Variants in DDX50 observed in about 807,000 individuals in gnomAD.
The protein encoded by DDX50 is DExD-box helicase 50.
Under a neutral mutation model 94.8 loss-of-function variants are expected in DDX50, and 56 were observed. The observed-to-expected ratio is 0.59, with a 90% CI of 0.48 to 0.74. The LOEUF is 0.74. DDX50 is among the 30% of genes least tolerant of loss of function. DDX50 has a pLI of 0.00. For missense variants in DDX50, 713 were observed against 881.2 expected, an observed-to-expected ratio of 0.81 and a Z score of 2.42; for synonymous variants, 264 against 295.4, an observed-to-expected ratio of 0.89 and a Z score of 1.09.
intron 12 of DDX50, among the ~76,000 whole-genome samples, chr10:68,939,611 T>G (rs914925752): frequency 6.6e-6 from 1 of 152,184 alleles, no homozygotes; most frequent in Non-Finnish European, 1.5e-5. Context: ...ACACAAGGCC[T>G]TTGTACATAC....
intron 8 of DDX50, among the ~76,000 whole-genome samples, chr10:68,932,070 T>C (rs990772296): frequency 2.6e-5 from 4 of 152,212 alleles, no homozygotes; most frequent in Non-Finnish European, 4.4e-5. Context: ...TCTGAACCTA[T>C]ACCTGTGATA....
chr10:68,905,934 T>A (rs560332459), intron 1 of DDX50, among the ~76,000 whole-genome samples: 5 of 152,140 alleles, frequency 3.3e-5, no homozygotes, highest in Admixed American at 6.6e-5. Context: ...AATAATTAAA[T>A]AAAATGGCAA....
chr10:68,931,845 C>T (rs937713418), intron 8 of DDX50, among the ~76,000 whole-genome samples: 3 of 152,104 alleles, frequency 2.0e-5, no homozygotes, highest in Non-Finnish European at 4.4e-5. Flanking sequence ...ACCCCTCATC[C>T]CCGCTCCCTT....
At chr10:68,914,776 C>G (rs932279252) in intron 7 of DDX50, among the ~76,000 whole-genome samples, 2 of 150,912 alleles carry the variant, frequency 1.3e-5, no homozygotes, top group Non-Finnish European at 3.0e-5. Context: ...AATCCCAGCA[C>G]TTTGGGAGGC....
intron 13 of DDX50, among the ~76,000 whole-genome samples, chr10:68,942,575 T>G (rs1842578074): frequency 6.6e-6 from 1 of 152,158 alleles, no homozygotes; most frequent in Non-Finnish European, 1.5e-5. Context: ...AAGAAACATC[T>G]TGGGTTATAT....
intron 1 of DDX50, chr10:68,906,425 C>T (rs1841446338): frequency 3.6e-6 from 1 of 276,412 alleles, no homozygotes; most frequent in Non-Finnish European, 6.7e-6. Context: ...CTGGGGTTGT[C>T]TTTCTTTCCC....
chr10:68,945,110 A>T (rs891991997), intron 14 of DDX50, among the ~76,000 whole-genome samples: 7 of 152,084 alleles, frequency 4.6e-5, no homozygotes, highest in Admixed American at 2.0e-4. Flanking sequence ...TGGTATAGCG[A>T]ATTCTTTATG....
At chr10:68,933,067 GT>G (rs1564614608) in intron 8 of DDX50, among the ~76,000 whole-genome samples, 21 of 141,148 alleles carry the variant, frequency 1.5e-4, no homozygotes, top group African/African-American at 5.2e-5. Context: ...TTGTTTGTTT[GT>G]TTGTTTTTTT....
intron 8 of DDX50, among the ~76,000 whole-genome samples, chr10:68,929,284 CCTTCCTTCCTCT>C (rs1352186885): frequency 2.1e-4 from 16 of 77,890 alleles, no homozygotes; most frequent in South Asian, 3.6e-4. Flanking sequence ...TTCCTTCCTT[CCTTCCTTCCTCT>C]CTCTCTCTCT....
intron 12 of DDX50, among the ~76,000 whole-genome samples, chr10:68,940,446 G>T (rs1468925892): frequency 6.6e-6 from 1 of 151,518 alleles, no homozygotes; most frequent in Non-Finnish European, 1.5e-5. Context: ...TTGAGACAGG[G>T]TCTAGTTCTG....
chr10:68,937,868 G>A (rs1330152339), intron 12 of DDX50, among the ~76,000 whole-genome samples: 2 of 152,118 alleles, frequency 1.3e-5, no homozygotes, highest in Non-Finnish European at 2.9e-5. Context: ...TTACAGGCGT[G>A]AGCCACCTCA....
chr10:68,928,953 C>G (rs574326070), intron 8 of DDX50, among the ~76,000 whole-genome samples: 1 of 152,042 alleles, frequency 6.6e-6, no homozygotes, highest in East Asian at 1.9e-4. Flanking sequence ...TTTCTTTTTT[C>G]TTTTCTTTTT....
intron 8 of DDX50, among the ~76,000 whole-genome samples, chr10:68,931,256 A>G (rs1842253846): frequency 6.6e-6 from 1 of 151,448 alleles, no homozygotes; most frequent in Non-Finnish European, 1.5e-5. Flanking sequence ...GTAGGTCATT[A>G]TTATATTTGT....
At chr10:68,905,862 A>T (rs1166359788) in intron 1 of DDX50, among the ~76,000 whole-genome samples, 2 of 152,198 alleles carry the variant, frequency 1.3e-5, no homozygotes, top group Non-Finnish European at 2.9e-5. Flanking sequence ...GTAGTGAGCC[A>T]AGATTGCGCC....
At chr10:68,929,450 A>G (rs1842192082) in intron 8 of DDX50, among the ~76,000 whole-genome samples, 1 of 128,392 alleles carries the variant, frequency 7.8e-6, no homozygotes, top group Non-Finnish European at 1.6e-5. Context: ...TTCCAGATGG[A>G]GTTTCACTCT....
At chr10:68,904,144 C>CAAA (rs34351981) in intron 1 of DDX50, among the ~76,000 whole-genome samples, 1 of 108,416 alleles carries the variant, frequency 9.2e-6, no homozygotes, top group Non-Finnish European at 2.0e-5. Context: ...AACTCCGTCT[C>CAAA]AAAAAAAAAA....
intron 12 of DDX50, among the ~76,000 whole-genome samples, chr10:68,937,307 T>A (rs955066946): frequency 1.3e-5 from 2 of 152,158 alleles, no homozygotes; most frequent in African/African-American, 2.4e-5. Flanking sequence ...ACTGAAAGAA[T>A]AATGCAGTAA....
intron 11 of DDX50, 68 bp downstream of exon 11, chr10:68,936,147 A>C: frequency 1.7e-5 from 22 of 1,294,496 alleles, no homozygotes; most frequent in Non-Finnish European, 2.3e-5. Context: ...AAGCTCTCCC[A>C]GTTCAAATAG....
In DDX50 at chr10:68,914,108, G is replaced by A; in HGVS notation, c.993G>A (p.Gln331=). 1 of 1,609,836 alleles carries A rather than the reference G, an allele frequency of 6.2e-7. No individual in the cohort carries two copies. Among genetic ancestry groups the A allele is most frequent in the African/African-American group, 1.3e-5 (1 of 74,720 alleles). The part of the protein sequence containing the change: ...QTLLFSATCP[Q]WVYKVAKKYM... ...TACTTTTTTCTGCAACTTGCCCACA[G>A]TGGGTATACAAAGTTGCAAAAAAAT... The change falls in exon 7 of 15, where the codon CAG becomes CAA. Residue 331 remains glutamine (Q), a synonymous_variant. Coordinates refer to ENST00000373585, the MANE Select transcript of DDX50 (RefSeq NM_024045.2).
Sources: allele counts gnomAD v4.1 joint callset (sites outside exome capture counted in the v4.1 genomes callset), GRCh38; gene constraint gnomAD v4.1.1; transcripts MANE v1.5; gene names NCBI Gene and HGNC (gene_info 2026-07-23, HGNC 2026-07-21).